CELF2: variants seen among roughly 807,000 people sequenced by gnomAD.
CELF2 encodes the protein CUG triplet repeat RNA-binding protein 2.
A neutral mutation model predicts 62.6 loss-of-function variants in CELF2; 8 were observed. That is an observed-to-expected ratio of 0.13 (90% confidence interval 0.07 to 0.23). CELF2 has a LOEUF of 0.23. CELF2 is among the 10% of genes least tolerant of loss of function. The pLI is 1.00. For missense variants in CELF2, 333 were observed against 671.0 expected (o/e 0.50, Z 5.56); for synonymous variants, 258 against 250.0 (o/e 1.03, Z -0.30).
At chr10:10,529,318 A>T in the CELF2 span, among the ~76,000 whole-genome samples, 1 of 152,204 alleles carries the variant, frequency 6.6e-6, no homozygotes. Flanking sequence ...AAATTCTCCA[A>T]GCTTTCTGGG....
chr10:11,310,357 G>C (rs1427499788), intron 9 of CELF2, among the ~76,000 whole-genome samples: 3 of 152,208 alleles, frequency 2.0e-5, no homozygotes, highest in African/African-American at 7.2e-5. Context: ...CTTCAGAGGA[G>C]GGGATTTGTA....
At chr10:10,725,121 C>G in the CELF2 span, among the ~76,000 whole-genome samples, 1 of 152,160 alleles carries the variant, frequency 6.6e-6, no homozygotes. Flanking sequence ...ATTCTTAGCT[C>G]CATTATCAAC....
chr10:10,699,563 A>T, the CELF2 span, among the ~76,000 whole-genome samples: 1 of 152,140 alleles, frequency 6.6e-6, no homozygotes, highest in Non-Finnish European at 1.5e-5. Flanking sequence ...CATCATGGTG[A>T]TTTGCAGTTA....
intron 2 of CELF2, among the ~76,000 whole-genome samples, chr10:10,996,815 A>G (rs1290995607): frequency 1.3e-5 from 2 of 151,972 alleles, no homozygotes; most frequent in Non-Finnish European, 1.5e-5. Flanking sequence ...CTTCCACTGC[A>G]GTATCATCTA....
rs1219568606 is a variant in CELF2 at position 11,075,836 on chromosome 10, C to A, written c.74+57673C>A. Among the ~76,000 whole-genome samples the A allele has an allele frequency of 1.3e-5, 2 of 151,986 alleles. No individual in the cohort carries two copies. The highest frequency in any genetic ancestry group is 1.3e-4 in the Admixed American group (2 of 15,252). ...CAAGAAAAAAGCATCAGTATTAGGG[C>A]AAAATACTAGTAATCTGATTAATCT... On this transcript the variant is annotated intron_variant, in intron 1 of 12. Transcript: ENST00000633077. This position sits in a 1 kb window ranked among gnomAD's most constrained non-coding sequence, Gnocchi z 5.4.
intron 2 of CELF2, among the ~76,000 whole-genome samples, chr10:10,969,787 G>A (rs980558669): frequency 2.0e-5 from 3 of 152,168 alleles, no homozygotes; most frequent in East Asian, 1.9e-4. Flanking sequence ...CCACATAAAC[G>A]AAGGTGTTTA....
intron 2 of CELF2, among the ~76,000 whole-genome samples, chr10:11,202,941 CTCTCTCTCTCTGTGTGTGTG>C (rs1199422743): frequency 3.4e-4 from 31 of 89,954 alleles, no homozygotes; most frequent in African/African-American, 1.2e-3. Flanking sequence ...CTCTCTCTCT[CTCTCTCTCTCTGTGTGTGTG>C]TGTGTGTGTG....
intron 2 of CELF2, among the ~76,000 whole-genome samples, chr10:11,190,574 A>T (rs1359724983): frequency 6.6e-6 from 1 of 151,970 alleles, no homozygotes. Context: ...TAATCACAGC[A>T]GTAACTCCCA....
At chr10:10,858,638 A>G (rs949457233) in intron 1 of CELF2, among the ~76,000 whole-genome samples, 6 of 152,176 alleles carry the variant, frequency 3.9e-5, no homozygotes, top group African/African-American at 1.4e-4. Flanking sequence ...AAAATTCATG[A>G]AATTCTCCCT....
At chr10:11,141,797 G>A (rs1226551492) in intron 1 of CELF2, among the ~76,000 whole-genome samples, 4 of 152,206 alleles carry the variant, frequency 2.6e-5, no homozygotes, top group African/African-American at 4.8e-5. Flanking sequence ...TAGTTGGGAG[G>A]AAAGATAAAA....
the CELF2 span, among the ~76,000 whole-genome samples, chr10:10,507,632 A>G: frequency 6.6e-6 from 1 of 152,212 alleles, no homozygotes; most frequent in African/African-American, 2.4e-5. Flanking sequence ...TCAAACATGC[A>G]TGGAAAAATT....
chr10:11,074,015 C>G (rs949173217), intron 1 of CELF2, among the ~76,000 whole-genome samples: 7 of 152,232 alleles, frequency 4.6e-5, no homozygotes, highest in African/African-American at 1.7e-4. Context: ...CTCCGTGCCA[C>G]AGCCCTCGAG....
At chr10:11,239,523 A>G (rs914645492) in intron 3 of CELF2, among the ~76,000 whole-genome samples, 3 of 152,210 alleles carry the variant, frequency 2.0e-5, no homozygotes, top group Non-Finnish European at 4.4e-5. Context: ...AATGAAGAGG[A>G]TGATGATGAC....
chr10:10,608,809 C>T, the CELF2 span, among the ~76,000 whole-genome samples: 2 of 152,098 alleles, frequency 1.3e-5, no homozygotes, highest in African/African-American at 2.4e-5. Context: ...ATTCCTCCGT[C>T]GAGAGTAGTG....
chr10:11,310,291 G>C (rs1014298479), intron 9 of CELF2, among the ~76,000 whole-genome samples: 1 of 152,168 alleles, frequency 6.6e-6, no homozygotes, highest in African/African-American at 2.4e-5. Flanking sequence ...TGTGGGAAGA[G>C]GTAGCCCCAT....
the CELF2 span, among the ~76,000 whole-genome samples, chr10:10,470,302 T>A: frequency 6.6e-6 from 1 of 151,790 alleles, no homozygotes; most frequent in African/African-American, 2.4e-5. Flanking sequence ...GTTTATTAGT[T>A]TTACACTTCT....
the CELF2 span, among the ~76,000 whole-genome samples, chr10:10,689,651 A>C: frequency 6.6e-6 from 1 of 152,216 alleles, no homozygotes; most frequent in Non-Finnish European, 1.5e-5. Flanking sequence ...CTAACACCAG[A>C]AAAGGCATTC....
chr10:11,328,446 G>T lies in CELF2; in HGVS notation c.1439-480G>T, dbSNP rs553454306. Among the ~76,000 whole-genome samples, 19 of 152,272 alleles carry T rather than the reference G, an allele frequency of 1.2e-4. No homozygotes were observed. Among genetic ancestry groups the T allele is most frequent in the African/African-American group, 4.3e-4 (18 of 41,546 alleles). On this transcript the variant is annotated intron_variant, in intron 12 of 12. Coordinates refer to ENST00000633077, the MANE Select transcript of CELF2 (RefSeq NM_001326342.2). The surrounding 1 kb of genome is among the most constrained non-coding windows in gnomAD (Gnocchi z 6.4). The stretch of plus-strand genomic sequence containing the variant: ...AGGCTGGGGCTTGGCAGTATCTGCT[G>T]TTCTCCAGCCCTTCCCTTCCCGAGC...
Position 11,214,022 on chromosome 10 carries a change from G to A in CELF2, c.272-3403G>A, listed in dbSNP as rs896704416. 6.6e-6 allele frequency among the ~76,000 whole-genome samples: 1 copy of A among 152,200 alleles called. No individual in the cohort carries two copies. Among genetic ancestry groups the A allele is most frequent in the Admixed American group, 6.5e-5 (1 of 15,290 alleles). ...GACTAGGCCGGGCACAGTAGCTCAT[G>A]CCTATAGTCTAAGGGCTTTGGGAGG... On this transcript the variant is annotated intron_variant, in intron 2 of 12. Coordinates refer to ENST00000633077, the MANE Select transcript of CELF2 (RefSeq NM_001326342.2). The surrounding 1 kb of genome is among the most constrained non-coding windows in gnomAD (Gnocchi z 4.2).
Sources: allele counts gnomAD v4.1 joint callset (sites outside exome capture counted in the v4.1 genomes callset), GRCh38; gene constraint gnomAD v4.1.1; non-coding constraint Gnocchi (gnomAD v3.1); transcripts MANE v1.5; gene names NCBI Gene and HGNC (gene_info 2026-07-23, HGNC 2026-07-21).